MAP3K2: variants seen among roughly 807,000 people sequenced by gnomAD.
MAP3K2 encodes the protein mitogen-activated protein kinase kinase kinase 2, also known as MAP/ERK kinase kinase 2.
Under a neutral mutation model 80.3 loss-of-function variants are expected in MAP3K2, and 24 were observed. The ratio of observed to expected loss-of-function variants is 0.30; its 90% CI spans 0.22 to 0.42. The LOEUF is 0.42. Ranked by LOEUF, MAP3K2 falls within the 10% of genes least tolerant of loss-of-function variation. The probability of loss-of-function intolerance (pLI) is 1.00; values close to 1 mark genes in which losing one functional copy is unlikely to be tolerated. For missense variants in MAP3K2, 608 were observed against 750.1 expected (o/e 0.81, Z 2.21); for synonymous variants, 244 against 253.7 (o/e 0.96, Z 0.36).
rs1442485317 is a variant in MAP3K2, at chr2:127,304,129, T to C, written c.*3450A>G. On this transcript the variant is annotated 3_prime_UTR_variant, in exon 17 of 17. Coordinates refer to ENST00000682094, the MANE Select transcript of MAP3K2 (RefSeq NM_001371910.2). ...TACAGTTCAGCAAATGCATTAATAT[T>C]TTAATTCCTTATATATGTTATGTAA... The C allele has an allele frequency of 1.3e-5, 2 of 152,178 alleles. No individual in the cohort carries two copies. Among genetic ancestry groups the C allele is most frequent in the Non-Finnish European group, 2.9e-5 (2 of 68,018 alleles). 9.4% of individuals were successfully genotyped at this position (152,178 alleles called of 1,614,324 possible).
At chr2:127,348,503 C>T (rs996357770) in intron 1 of MAP3K2, among the ~76,000 whole-genome samples, 2 of 152,060 alleles carry the variant, frequency 1.3e-5, no homozygotes, top group African/African-American at 4.8e-5. Context: ...TTTTAAAAAG[C>T]CCCATATTCC....
Position 127,307,909 on chromosome 2 carries a change from T to TATATG in MAP3K2, c.1635-106_1635-105insCATAT. ...CATTAAGTCCATATATATTTAAATATGACTTAATTTCAAGTTCAAAGTTTC... is the reference window on the plus strand; with the variant it reads ...CATTAAGTCCATATATATTTAAATATATATGGACTTAATTTCAAGTTCAAAGTTTC... On this transcript the variant is annotated intron_variant, in intron 16 of 16. Transcript: ENST00000682094. The surrounding 1 kb of genome is among the most constrained non-coding windows in gnomAD (Gnocchi z 5.4). 5 of 667,824 alleles carry TATATG rather than the reference T, an allele frequency of 7.5e-6. No individual in the cohort carries two copies. The highest frequency in any genetic ancestry group is 1.2e-5 in the Non-Finnish European group (5 of 416,290). 41.4% of individuals were successfully genotyped at this position (667,824 alleles called of 1,614,324 possible). A position where few individuals can be genotyped will look rare whatever the true frequency, so the allele number is the denominator to read the frequency against.
intron 16 of MAP3K2, 72 bp downstream of exon 16, chr2:127,308,513 C>T: frequency 7.6e-7 from 1 of 1,323,044 alleles, no homozygotes; most frequent in Non-Finnish European, 1.0e-6. Flanking sequence ...ACATCTGCCT[C>T]AGTAATTCAA....
At chr2:127,327,307 C>T (rs893470209) in intron 7 of MAP3K2, among the ~76,000 whole-genome samples, 1 of 152,110 alleles carries the variant, frequency 6.6e-6, no homozygotes, top group Non-Finnish European at 1.5e-5. Flanking sequence ...GTAAAGGAGT[C>T]ATTGTGAGTA....
Position 127,318,310 on chromosome 2 carries a change from T to G in MAP3K2, c.1053A>C (p.Arg351=). 1 of 1,586,838 alleles carries G rather than the reference T, an allele frequency of 6.3e-7. No individual in the cohort carries two copies. Among genetic ancestry groups the G allele is most frequent in the Non-Finnish European group, 8.5e-7 (1 of 1,170,542 alleles). Residue 351 remains arginine, a synonymous_variant, in exon 13 of 17, where the codon CGA becomes CGC. Transcript: ENST00000682094. Reference sequence around the variant, plus strand: ...TGCCCAATCTCCAGTTGGTCGGAGCTCGAGGTGCTGAAAAAGAACACTTTC... The same window carrying G: ...TGCCCAATCTCCAGTTGGTCGGAGCGCGAGGTGCTGAAAAAGAACACTTTC... ...MDISPPSRSP[R]APTNWRLGKL... is the part of the protein sequence containing the mutation.
chr2:127,342,756 C>G lies in MAP3K2; in HGVS notation c.4+370G>C, dbSNP rs542889688. On this transcript the variant is annotated intron_variant, in intron 2 of 16. Coordinates refer to ENST00000682094, the MANE Select transcript of MAP3K2 (RefSeq NM_001371910.2). ...TTAGTGTCTTTAAACTAACATTATA[C>G]CACAATATACGACCAAGAGTTGTAT... is the stretch of plus-strand genomic sequence containing the variant. Among the ~76,000 whole-genome samples, 161 of 152,282 alleles carry G rather than the reference C, an allele frequency of 1.1e-3. 1 individual carries two copies. The highest frequency in any genetic ancestry group is 1.8e-3 in the Non-Finnish European group (124 of 68,014).
At chr2:127,317,463 AAGAC>A (rs774594371) in intron 14 of MAP3K2, among the ~76,000 whole-genome samples, 162 bp downstream of exon 14, 14 of 152,316 alleles carry the variant, frequency 9.2e-5, no homozygotes, top group Admixed American at 2.6e-4. Flanking sequence ...AAAAAATACA[AAGAC>A]AGAGGAAGAG....
At chr2:127,342,857 C>G (rs1346776447) in intron 2 of MAP3K2, among the ~76,000 whole-genome samples, 1 of 152,104 alleles carries the variant, frequency 6.6e-6, no homozygotes, top group African/African-American at 2.4e-5. Context: ...TCTCTCTTGC[C>G]ATCAGACTTT....
rs189276323 is a variant in MAP3K2 at position 127,349,358 on chromosome 2, G to A, written c.-65-6164C>T. ...TTTTGTTTTTGTTTTTTTATATGGC[G>A]TCTCACTGTGTTGCCCAGGCTGGTC... is the stretch of plus-strand genomic sequence containing the variant. On this transcript the variant is annotated intron_variant, in intron 1 of 16. Coordinates refer to ENST00000682094, the MANE Select transcript of MAP3K2 (RefSeq NM_001371910.2). Among the ~76,000 whole-genome samples, 360 of 151,872 alleles carry A rather than the reference G, an allele frequency of 2.4e-3. 6 individuals are homozygous for A. Among genetic ancestry groups the A allele is most frequent in the African/African-American group, 7.7e-3 (320 of 41,356 alleles).
At chr2:127,376,775 T>A (rs1415111335) in intron 1 of MAP3K2, among the ~76,000 whole-genome samples, 1 of 152,178 alleles carries the variant, frequency 6.6e-6, no homozygotes, top group African/African-American at 2.4e-5. Flanking sequence ...TAGTTAAAAA[T>A]CATGCTGATG....
rs1248021850 is a variant in MAP3K2, at chr2:127,321,611, A to G, written c.1045+435T>C. On this transcript the variant is annotated intron_variant, in intron 12 of 16. Coordinates refer to ENST00000682094, the MANE Select transcript of MAP3K2 (RefSeq NM_001371910.2). This position sits in a 1 kb window ranked among gnomAD's most constrained non-coding sequence, Gnocchi z 4.4. ...ATACTCCCACATCAGCCAAAAATTG[A>G]ACTATTCCCCATTTTTAGATGATGT... Among the ~76,000 whole-genome samples, 4 of 152,218 alleles carry G rather than the reference A, an allele frequency of 2.6e-5. No homozygotes were observed. The highest frequency in any genetic ancestry group is 7.2e-5 in the African/African-American group (3 of 41,462).
chr2:127,365,100 G>C (rs1209880046), intron 1 of MAP3K2, among the ~76,000 whole-genome samples: 4 of 112,244 alleles, frequency 3.6e-5, no homozygotes, highest in Non-Finnish European at 5.2e-5. Context: ...CTGGGCGACA[G>C]AGTGAGACTC....
At chr2:127,345,239 G>A (rs1339777347) in intron 1 of MAP3K2, among the ~76,000 whole-genome samples, 1 of 152,100 alleles carries the variant, frequency 6.6e-6, no homozygotes, top group Admixed American at 6.5e-5. Flanking sequence ...ACCTGCAGTG[G>A]CTACACCACT....
chr2:127,375,090 T>C lies in MAP3K2; in HGVS notation c.-66+12362A>G, dbSNP rs557736748. ...TTTTATGGAAAGACGTAAACAGTAA[T>C]GTATGGTATGGTCCAAATGAATTGT... On this transcript the variant is annotated intron_variant, in intron 1 of 16. Transcript: ENST00000682094. Among the ~76,000 whole-genome samples, 69 of 152,328 alleles carry C rather than the reference T, an allele frequency of 4.5e-4. 1 individual carries two copies. The highest frequency in any genetic ancestry group is 1.6e-3 in the African/African-American group (65 of 41,580).
At position 127,299,697 on chromosome 2, in the gene MAP3K2, C is replaced by T. The variant is rs1045881745; in HGVS notation, c.*7882G>A. 4 of 152,062 alleles carry T rather than the reference C, an allele frequency of 2.6e-5. No individual in the cohort carries two copies. The highest frequency in any genetic ancestry group is 9.7e-5 in the African/African-American group (4 of 41,424). The allele number at this position is 152,062 out of a possible 1,614,324, so 9.4% of individuals were successfully genotyped here. A position where few individuals can be genotyped will look rare whatever the true frequency, so the allele number is the denominator to read the frequency against. On this transcript the variant is annotated 3_prime_UTR_variant, in exon 17 of 17. Coordinates refer to ENST00000682094, the MANE Select transcript of MAP3K2 (RefSeq NM_001371910.2). ...TTCTTGCAAGAGTATTTTAATTGAG[C>T]TCTAAGTATGACTTGCATTCAATTC...
chr2:127,337,613 C>T lies in MAP3K2; in HGVS notation c.164+125G>A, dbSNP rs138182071. The T allele has an allele frequency of 2.7e-3, 1,606 of 598,796 alleles. 23 individuals are homozygous for T. Among genetic ancestry groups the T allele is most frequent in the East Asian group, 0.024 (796 of 32,830 alleles). The allele number at this position is 598,796 out of a possible 1,614,324, so 37.1% of individuals were successfully genotyped here. A position where few individuals can be genotyped will look rare whatever the true frequency, so the allele number is the denominator to read the frequency against. Reference sequence around the variant, plus strand: ...TAAGCACATTACACATTCCCAAGGACTACTCTATTCTCAATTTGTAAACCA... The same window carrying T: ...TAAGCACATTACACATTCCCAAGGATTACTCTATTCTCAATTTGTAAACCA... On this transcript the variant is annotated intron_variant, in intron 4 of 16. Transcript: ENST00000682094.
intron 15 of MAP3K2, among the ~76,000 whole-genome samples, chr2:127,312,586 A>G (rs777486845): frequency 6.6e-6 from 1 of 152,050 alleles, no homozygotes; most frequent in Non-Finnish European, 1.5e-5. Context: ...GCTTGAGCTC[A>G]AGAGGTTGAG....
intron 4 of MAP3K2, among the ~76,000 whole-genome samples, chr2:127,336,906 C>A (rs59566504): frequency 0.38 from 57,260 of 151,978 alleles, 11,493 homozygotes; most frequent in East Asian, 0.62. Context: ...TTTGGGAGGC[C>A]GGGGCGGGTG....
chr2:127,368,782 T>C (rs1687014604), intron 1 of MAP3K2, among the ~76,000 whole-genome samples: 1 of 152,120 alleles, frequency 6.6e-6, no homozygotes, highest in African/African-American at 2.4e-5. Flanking sequence ...ATTTGTATTT[T>C]TTTTTTCTTT....
Sources: gnomAD v4.1 joint callset for allele counts (sites outside exome capture counted in the v4.1 genomes callset) on GRCh38, gnomAD v4.1.1 for gene constraint, Gnocchi (gnomAD v3.1) non-coding constraint, MANE v1.5 for transcripts, NCBI Gene and HGNC (gene_info 2026-07-23, HGNC 2026-07-21) for gene names.